Variants in TSPAN9 observed in about 807,000 individuals in gnomAD.
TSPAN9 encodes the protein tetraspanin 9, also known as tetraspanin-9.
In TSPAN9, 16 loss-of-function variants were observed where a neutral mutation model predicts 31.0. That is an observed-to-expected ratio of 0.52 (90% CI 0.35 to 0.78). The LOEUF is 0.78. TSPAN9 is among the 30% of genes least tolerant of loss of function. The pLI is 0.01. For synonymous variants in TSPAN9, 145 were observed against 121.6 expected, an observed-to-expected ratio of 1.19 and a Z score of -1.27; for missense variants, 272 against 312.5, an observed-to-expected ratio of 0.87 and a Z score of 0.98.
intron 3 of TSPAN9, among the ~76,000 whole-genome samples, chr12:3,205,021 T>G (rs2098374192): frequency 6.6e-6 from 1 of 152,006 alleles, no homozygotes; most frequent in Middle Eastern, 3.4e-3. Context: ...AAAAGGGACC[T>G]CTGAATGCTG....
intron 3 of TSPAN9, among the ~76,000 whole-genome samples, chr12:3,222,457 C>T (rs576112262): frequency 6.6e-6 from 1 of 152,314 alleles, no homozygotes; most frequent in South Asian, 2.1e-4. Flanking sequence ...GGCGTAAGAC[C>T]TTCTGTCTGC....
chr12:3,276,615 A>G (rs1010155490), intron 3 of TSPAN9, among the ~76,000 whole-genome samples: 1 of 151,884 alleles, frequency 6.6e-6, no homozygotes, highest in Non-Finnish European at 1.5e-5. Context: ...TTCGCTGCCC[A>G]CACCCTCCCC....
intron 2 of TSPAN9, among the ~76,000 whole-genome samples, chr12:3,134,519 T>A (rs1225640749): frequency 1.3e-5 from 2 of 152,200 alleles, no homozygotes; most frequent in South Asian, 4.1e-4. Context: ...CTGCCTCATA[T>A]CTGCAAGGGT....
intron 2 of TSPAN9, among the ~76,000 whole-genome samples, chr12:3,177,599 G>GT (rs1163850230): frequency 2.0e-5 from 3 of 152,078 alleles, no homozygotes; most frequent in Non-Finnish European, 4.4e-5. Context: ...TGCCCAGCTA[G>GT]TTTTTGTATT....
chr12:3,085,201 T>G (rs1190486925), intron 2 of TSPAN9, among the ~76,000 whole-genome samples: 1 of 139,350 alleles, frequency 7.2e-6, no homozygotes, highest in South Asian at 2.4e-4. Flanking sequence ...TTGTCCCTAT[T>G]AAAAAAAAAA....
intron 2 of TSPAN9, among the ~76,000 whole-genome samples, chr12:3,164,116 C>G (rs1327837450): frequency 6.6e-6 from 1 of 152,168 alleles, no homozygotes; most frequent in African/African-American, 2.4e-5. Flanking sequence ...TGCAAAGTCC[C>G]TGATGAGAGG....
intron 2 of TSPAN9, among the ~76,000 whole-genome samples, chr12:3,098,018 T>G (rs1591626792): frequency 6.6e-6 from 1 of 152,336 alleles, no homozygotes; most frequent in African/African-American, 2.4e-5. Context: ...GAGACACGCA[T>G]GTGTAGATGT....
intron 2 of TSPAN9, among the ~76,000 whole-genome samples, chr12:3,114,842 C>CAA (rs34841785): frequency 0.22 from 16,037 of 73,392 alleles, 1,317 homozygotes; most frequent in East Asian, 0.4. Context: ...GGCTCCATCT[C>CAA]AAAAAAAAAA....
chr12:3,081,992 TG>T (rs2153961772), intron 1 of TSPAN9, among the ~76,000 whole-genome samples: 1 of 151,836 alleles, frequency 6.6e-6, no homozygotes, highest in South Asian at 2.1e-4. Context: ...GCGAGAATTC[TG>T]TCTCTTAAAA....
At chr12:3,103,209 G>T (rs1296907363) in intron 2 of TSPAN9, among the ~76,000 whole-genome samples, 1 of 152,182 alleles carries the variant, frequency 6.6e-6, no homozygotes, top group Non-Finnish European at 1.5e-5. Flanking sequence ...CTTGGCTGCC[G>T]TCACCAGTTC....
rs184943543 is a variant in TSPAN9, at chr12:3,219,338, G to A, written c.63+18082G>A. 6.7e-3 allele frequency among the ~76,000 whole-genome samples: 1,013 copies of A among 152,322 alleles called. 5 individuals carry two copies. The highest frequency in any genetic ancestry group is 0.034 in the Middle Eastern group (10 of 294). On this transcript the variant is annotated intron_variant, in intron 3 of 8. Coordinates refer to ENST00000011898, the MANE Select transcript of TSPAN9 (RefSeq NM_006675.5). ...CTGTCCTAGCACAACACTCAAGGAA[G>A]GGTGGCCACTGCCTTAGTTTGTCAC... is the stretch of plus-strand genomic sequence containing the variant.
In TSPAN9 at chr12:3,285,287, T is replaced by G; in HGVS notation, c.*2171T>G. On this transcript the variant is annotated 3_prime_UTR_variant, in exon 9 of 9. Transcript: ENST00000011898. ...GCTGTGGGTGGGGTGGGTGGGTTGGTTTATGCCTATCAATGCAATTTTTAA... is the reference window on the plus strand; with the variant it reads ...GCTGTGGGTGGGGTGGGTGGGTTGGGTTATGCCTATCAATGCAATTTTTAA... 1 of 151,954 alleles carries G rather than the reference T, an allele frequency of 6.6e-6. No individual in the cohort carries two copies. Among genetic ancestry groups the G allele is most frequent in the African/African-American group, 2.4e-5 (1 of 41,374 alleles). 9.4% of individuals were successfully genotyped at this position (151,954 alleles called of 1,614,324 possible).
At chr12:3,165,060 T>C (rs951115020) in intron 2 of TSPAN9, among the ~76,000 whole-genome samples, 1 of 152,174 alleles carries the variant, frequency 6.6e-6, no homozygotes, top group African/African-American at 2.4e-5. Context: ...AGGATTAACC[T>C]CTGGGGTCAG....
intron 2 of TSPAN9, among the ~76,000 whole-genome samples, chr12:3,096,934 G>A (rs986069530): frequency 1.3e-5 from 2 of 152,110 alleles, no homozygotes; most frequent in Admixed American, 1.3e-4. Context: ...TTCTCACCTC[G>A]TGATCTGCCT....
intron 3 of TSPAN9, among the ~76,000 whole-genome samples, chr12:3,258,397 C>T (rs780452422): frequency 2.0e-5 from 3 of 152,106 alleles, no homozygotes; most frequent in Non-Finnish European, 4.4e-5. Flanking sequence ...CCTTGGTGTC[C>T]TCTCCTTTGA....
intron 2 of TSPAN9, among the ~76,000 whole-genome samples, chr12:3,119,403 G>C (rs575274436): frequency 1.3e-5 from 2 of 152,218 alleles, no homozygotes; most frequent in Non-Finnish European, 2.9e-5. Context: ...TCCAAAGTCC[G>C]TGTTCTTTCC....
intron 3 of TSPAN9, among the ~76,000 whole-genome samples, chr12:3,211,394 G>T (rs2098378619): frequency 6.6e-6 from 1 of 152,094 alleles, no homozygotes; most frequent in Non-Finnish European, 1.5e-5. Context: ...TCAATATCTG[G>T]TAGGGCAAAT....
chr12:3,224,847 T>C (rs2098386338), intron 3 of TSPAN9, among the ~76,000 whole-genome samples: 1 of 152,174 alleles, frequency 6.6e-6, no homozygotes, highest in Non-Finnish European at 1.5e-5. Context: ...AGCAGATTTG[T>C]GTGAGATCGG....
chr12:3,238,248 C>T (rs937538887), intron 3 of TSPAN9, among the ~76,000 whole-genome samples: 4 of 152,182 alleles, frequency 2.6e-5, no homozygotes, highest in Non-Finnish European at 5.9e-5. Flanking sequence ...AGCCTTGAAC[C>T]CTGCTTCTGC....
Sources: allele counts gnomAD v4.1 joint callset (sites outside exome capture counted in the v4.1 genomes callset), GRCh38; gene constraint gnomAD v4.1.1; transcripts MANE v1.5; gene names NCBI Gene and HGNC (gene_info 2026-07-23, HGNC 2026-07-21).